SEMA5A: variants seen among roughly 807,000 people sequenced by gnomAD.
The protein encoded by SEMA5A is semaphorin-5A.
SEMA5A carries 55 observed loss-of-function variants against 135.5 expected under a neutral mutation model. The ratio of observed to expected loss-of-function variants is 0.41; its 90% CI spans 0.33 to 0.51. The LOEUF is 0.51. Among genes scored for constraint, SEMA5A ranks in the 20% least tolerant of loss-of-function variants. The pLI, the probability that SEMA5A is intolerant of heterozygous loss-of-function variation, is 0.37. For missense variants in SEMA5A, 1,290 were observed against 1,419.9 expected (o/e 0.91, Z 1.47); for synonymous variants, 580 against 546.5 (o/e 1.06, Z -0.85).
chr5:9,225,072 G>A (rs1422877607), intron 7 of SEMA5A, among the ~76,000 whole-genome samples, 185 bp from the exon 8 acceptor site: 6 of 152,062 alleles, frequency 3.9e-5, no homozygotes. Context: ...TGGTAAGACA[G>A]TCCATCAATC....
At chr5:9,422,758 T>C (rs1757513635) in intron 2 of SEMA5A, among the ~76,000 whole-genome samples, 1 of 152,250 alleles carries the variant, frequency 6.6e-6, no homozygotes, top group Admixed American at 6.5e-5. Flanking sequence ...GTTGCTGTTA[T>C]CTTGTTGAAT....
At chr5:9,226,274 G>T (rs1440589754) in intron 7 of SEMA5A, among the ~76,000 whole-genome samples, 1 of 152,176 alleles carries the variant, frequency 6.6e-6, no homozygotes, top group Non-Finnish European at 1.5e-5. Context: ...CCCTGAATTA[G>T]GAAGATTCCA....
intron 1 of SEMA5A, among the ~76,000 whole-genome samples, chr5:9,465,365 T>C (rs1456485630): frequency 1.3e-5 from 2 of 152,178 alleles, no homozygotes; most frequent in Non-Finnish European, 2.9e-5. Flanking sequence ...CTTGAAATGG[T>C]TGGGAGAAAT....
At chr5:9,274,781 A>G (rs1245539117) in intron 5 of SEMA5A, among the ~76,000 whole-genome samples, 1 of 152,206 alleles carries the variant, frequency 6.6e-6, no homozygotes, top group Non-Finnish European at 1.5e-5. Context: ...CTTTGAAACC[A>G]ATGAGAACAA....
At chr5:9,312,234 C>A (rs1418944843) in intron 5 of SEMA5A, among the ~76,000 whole-genome samples, 3 of 151,294 alleles carry the variant, frequency 2.0e-5, no homozygotes, top group Non-Finnish European at 4.4e-5. Flanking sequence ...AGATTTGAAT[C>A]TGTTATTATG....
intron 16 of SEMA5A, among the ~76,000 whole-genome samples, chr5:9,107,017 C>G (rs1052760782): frequency 1.3e-5 from 2 of 152,310 alleles, no homozygotes; most frequent in Non-Finnish European, 1.5e-5. Flanking sequence ...AAGGATATCT[C>G]GGCTGTGTGG....
At position 9,190,176 on chromosome 5, in the gene SEMA5A, T is replaced by C. The variant is rs529556219; in HGVS notation, c.1273+91A>G. ...CAAAAAGAGACATCAGGCGTAAAGC[T>C]TGAAATTGAAATTGAATGTTTAGAA... On this transcript the variant is annotated intron_variant, in intron 11 of 22. Coordinates refer to ENST00000382496, the MANE Select transcript of SEMA5A (RefSeq NM_003966.3). 2.2e-4 allele frequency: 298 copies of C among 1,380,292 alleles called. 5 individuals are homozygous for C. The South Asian group carries it at 3.4e-3, about 16-fold the overall frequency. 85.5% of individuals were successfully genotyped at this position (1,380,292 alleles called of 1,614,324 possible). A position where few individuals can be genotyped will look rare whatever the true frequency, so the allele number is the denominator to read the frequency against.
intron 2 of SEMA5A, among the ~76,000 whole-genome samples, chr5:9,397,666 A>G (rs1177468244): frequency 6.6e-6 from 1 of 152,222 alleles, no homozygotes; most frequent in Non-Finnish European, 1.5e-5. Context: ...TGATTATTAT[A>G]ATAAAAAGTC....
At chr5:9,192,770 T>C (rs1222729780) in intron 10 of SEMA5A, among the ~76,000 whole-genome samples, 1 of 152,194 alleles carries the variant, frequency 6.6e-6, no homozygotes, top group Non-Finnish European at 1.5e-5. Flanking sequence ...GTGGTTTACA[T>C]TCCTGAAATC....
intron 1 of SEMA5A, among the ~76,000 whole-genome samples, chr5:9,532,440 C>CTTTTTTTTTTTTT (rs4045370): frequency 8.0e-5 from 10 of 125,138 alleles, no homozygotes; most frequent in Non-Finnish European, 1.1e-4. Flanking sequence ...TAATTTTTTT[C>CTTTTTTTTTTTTT]TTTTTTTTTT....
intron 11 of SEMA5A, among the ~76,000 whole-genome samples, chr5:9,156,644 C>A (rs889311391): frequency 7.9e-5 from 12 of 152,188 alleles, no homozygotes; most frequent in African/African-American, 2.9e-4. Context: ...GGGTGGCCTG[C>A]CTAGAGTCAG....
intron 5 of SEMA5A, among the ~76,000 whole-genome samples, chr5:9,308,887 G>A (rs1178758496): frequency 6.6e-6 from 1 of 152,144 alleles, no homozygotes; most frequent in Non-Finnish European, 1.5e-5. Context: ...GCCAAGAACA[G>A]AGTAAGGGCA....
chr5:9,224,202 G>A (rs1430648060), intron 8 of SEMA5A, among the ~76,000 whole-genome samples: 1 of 152,184 alleles, frequency 6.6e-6, no homozygotes, highest in East Asian at 1.9e-4. Context: ...CTAAGTATGT[G>A]AGTTGATACA....
At position 9,204,104 on chromosome 5, in the gene SEMA5A, G is replaced by T. The variant is rs774127091; in HGVS notation, c.647-1864C>A. 5.3e-5 allele frequency among the ~76,000 whole-genome samples: 8 copies of T among 152,156 alleles called. No homozygotes were observed. Among genetic ancestry groups the T allele is most frequent in the Non-Finnish European group, 1.0e-4 (7 of 68,034 alleles). On this transcript the variant is annotated intron_variant, in intron 8 of 22. Coordinates refer to ENST00000382496, the MANE Select transcript of SEMA5A (RefSeq NM_003966.3). The surrounding 1 kb of genome is among the most constrained non-coding windows in gnomAD (Gnocchi z 6.4). ...TGTGTAAAGAAAATAATACTGGCATGTCTAATTCTAAATAAGAGTCTAAAT... is the reference window on the plus strand; with the variant it reads ...TGTGTAAAGAAAATAATACTGGCATTTCTAATTCTAAATAAGAGTCTAAAT...
intron 10 of SEMA5A, 107 bp downstream of exon 10, chr5:9,197,060 TG>T: frequency 6.8e-7 from 1 of 1,463,238 alleles, no homozygotes; most frequent in South Asian, 1.3e-5. Context: ...GGGAGACAGC[TG>T]CATGGTGCAT....
At position 9,225,529 on chromosome 5, in the gene SEMA5A, G is replaced by A. The variant is rs555428793; in HGVS notation, c.433-642C>T. 3.8e-4 allele frequency among the ~76,000 whole-genome samples: 56 copies of A among 147,090 alleles called. No homozygotes were observed. In the South Asian group the frequency reaches 6.9e-3, roughly 18 times the overall value. On this transcript the variant is annotated intron_variant, in intron 7 of 22. Coordinates refer to ENST00000382496, the MANE Select transcript of SEMA5A (RefSeq NM_003966.3). ...TGTTGCAGCGAGCCAAAATCGTGCC[G>A]CTGCATTCCAGCCTGGGAGGCAGAG... is the stretch of plus-strand genomic sequence containing the variant.
At chr5:9,408,698 A>G (rs1044221043) in intron 2 of SEMA5A, among the ~76,000 whole-genome samples, 8 of 152,216 alleles carry the variant, frequency 5.3e-5, no homozygotes, top group Non-Finnish European at 8.8e-5. Flanking sequence ...AAACTGAGGC[A>G]AAGGGACATC....
At chr5:9,054,761 T>C (rs1736797597) in intron 18 of SEMA5A, among the ~76,000 whole-genome samples, 1 of 152,038 alleles carries the variant, frequency 6.6e-6, no homozygotes, top group African/African-American at 2.4e-5. Context: ...TCCCTGACAG[T>C]GGGATAGAGA....
Position 9,103,260 on chromosome 5 carries a change from T to C in SEMA5A, c.2073+4880A>G, listed in dbSNP as rs531785189. ...ACACGAGACGACCTTCCCCAAAGCA[T>C]TCTGCAGACCCTAATGTGCTACACA... On this transcript the variant is annotated intron_variant, in intron 16 of 22. Coordinates refer to ENST00000382496, the MANE Select transcript of SEMA5A (RefSeq NM_003966.3). 7.6e-4 allele frequency among the ~76,000 whole-genome samples: 116 copies of C among 152,302 alleles called. 1 individual carries two copies. The highest frequency in any genetic ancestry group is 1.5e-3 in the Non-Finnish European group (101 of 68,024).
Sources: allele counts gnomAD v4.1 joint callset (sites outside exome capture counted in the v4.1 genomes callset), GRCh38; gene constraint gnomAD v4.1.1; non-coding constraint Gnocchi (gnomAD v3.1); transcripts MANE v1.5; gene names NCBI Gene and HGNC (gene_info 2026-07-23, HGNC 2026-07-21).